Variants in CASP10 observed in about 807,000 individuals in gnomAD.
CASP10 encodes caspase 10.
A neutral mutation model predicts 48.5 loss-of-function variants in CASP10; 41 were observed. The observed-to-expected ratio is 0.85, with a 90% CI of 0.66 to 1.10. The LOEUF (loss-of-function observed/expected upper bound fraction) is 1.10. CASP10 is among the 50% of genes least tolerant of loss of function. CASP10 has a pLI of 0.00. For missense variants in CASP10, 614 were observed against 614.5 expected, an observed-to-expected ratio of 1.00 and a Z score of 0.01; for synonymous variants, 232 against 238.4, an observed-to-expected ratio of 0.97 and a Z score of 0.25.
In CASP10 at chr2:201,220,020, C is replaced by T. The variant is rs749986569; in HGVS notation, c.*2279C>T. The T allele has an allele frequency of 2.0e-6, 2 of 985,328 alleles. No homozygotes were observed. The highest frequency in any genetic ancestry group is 2.4e-6 in the Non-Finnish European group (2 of 829,906). The allele number at this position is 985,328 out of a possible 1,614,324, so 61.0% of individuals were successfully genotyped here. ...GAAGAACAACAACTCTCAGTGGTGC[C>T]TGCATTTATAATTATTTATGTGAAA... is the stretch of plus-strand genomic sequence containing the variant. On this transcript the variant is annotated 3_prime_UTR_variant, in exon 10 of 10. Coordinates refer to ENST00000286186, the MANE Select transcript of CASP10 (RefSeq NM_032977.4).
At position 201,221,176 on chromosome 2, in the gene CASP10, A is replaced by G. The variant is rs1275972013; in HGVS notation, c.*3435A>G. ...ACTTTATTAGCGGCAACTCAGCACT[A>G]GCATTACCCCTGACATACTCTGAGT... is the stretch of plus-strand genomic sequence containing the variant. On this transcript the variant is annotated 3_prime_UTR_variant, in exon 10 of 10. Coordinates refer to ENST00000286186, the MANE Select transcript of CASP10 (RefSeq NM_032977.4). 1.0e-6 allele frequency: 1 copy of G among 985,316 alleles called. No homozygotes were observed. Among genetic ancestry groups the G allele is most frequent in the African/African-American group, 1.7e-5 (1 of 57,248 alleles). 61.0% of individuals were successfully genotyped at this position (985,316 alleles called of 1,614,324 possible).
chr2:201,196,087 T>C, intron 5 of CASP10, 139 bp downstream of exon 5: 1 of 653,272 alleles, frequency 1.5e-6, no homozygotes, highest in Non-Finnish European at 2.7e-6. Context: ...CCATGGTGAT[T>C]GCAAGTAAAC....
intron 3 of CASP10, among the ~76,000 whole-genome samples, chr2:201,190,635 A>G (rs996915526): frequency 1.3e-5 from 2 of 152,112 alleles, no homozygotes; most frequent in Non-Finnish European, 2.9e-5. Flanking sequence ...AAATGAGACC[A>G]CTTTTTATTG....
intron 9 of CASP10, chr2:201,214,208 A>G (rs141337906): frequency 6.6e-6 from 1 of 152,238 alleles, no homozygotes; most frequent in Non-Finnish European, 1.5e-5. Flanking sequence ...CTAGTGTGTA[A>G]AATAAGAGAT....
chr2:201,227,681 C>T (rs542704881), intron 9 of CASP10, among the ~76,000 whole-genome samples: 30 of 151,948 alleles, frequency 2.0e-4, no homozygotes, highest in African/African-American at 5.8e-4. Context: ...CTCAGCCTCC[C>T]GAGTAGCTGG....
intron 5 of CASP10, among the ~76,000 whole-genome samples, chr2:201,196,534 C>A (rs1944802086): frequency 6.6e-6 from 1 of 152,166 alleles, no homozygotes; most frequent in Non-Finnish European, 1.5e-5. Context: ...TGATCATGAT[C>A]CTTGGGAGAT....
chr2:201,202,386 G>T (rs1485427177), intron 5 of CASP10, among the ~76,000 whole-genome samples: 1 of 152,156 alleles, frequency 6.6e-6, no homozygotes, highest in East Asian at 1.9e-4. Flanking sequence ...CAACATTCTC[G>T]GGAGAAGAAA....
intron 5 of CASP10, among the ~76,000 whole-genome samples, chr2:201,197,662 A>C (rs1944851309): frequency 6.6e-6 from 1 of 152,178 alleles, no homozygotes; most frequent in Non-Finnish European, 1.5e-5. Flanking sequence ...TATAGCATAC[A>C]GTTCGTTGTT....
intron 5 of CASP10, among the ~76,000 whole-genome samples, chr2:201,198,658 A>G (rs1221782666): frequency 6.9e-6 from 1 of 144,492 alleles, no homozygotes; most frequent in Non-Finnish European, 1.5e-5. Context: ...CTCCTGCCTC[A>G]TCCTTCCAAG....
chr2:201,186,148 A>G lies in CASP10; in HGVS notation c.347+24A>G, dbSNP rs189450587. 251 of 1,550,898 alleles carry G rather than the reference A, an allele frequency of 1.6e-4. No homozygotes were observed. In the African/African-American group the frequency reaches 3.2e-3, roughly 20 times the overall value. ...AGGTGAGGACGGGTCTGTGGTGGAG[A>G]TGGGAGGATCTCCCATCTAGTGTTC... is the stretch of plus-strand genomic sequence containing the variant. On this transcript the variant is annotated intron_variant, in intron 2 of 9. Transcript: ENST00000286186.
At chr2:201,192,493 G>A (rs757562801) in intron 3 of CASP10, among the ~76,000 whole-genome samples, 18 of 151,556 alleles carry the variant, frequency 1.2e-4, no homozygotes, top group South Asian at 2.1e-4. Flanking sequence ...AAATTCTTTC[G>A]AAACATTTTC....
chr2:201,185,013 A>G (rs1009934031), intron 1 of CASP10, among the ~76,000 whole-genome samples: 11 of 151,748 alleles, frequency 7.2e-5, no homozygotes, highest in African/African-American at 2.7e-4. Flanking sequence ...TCTTTTTGAA[A>G]CAGGGTCTCA....
chr2:201,219,658 C>T lies in CASP10; in HGVS notation c.*1917C>T, dbSNP rs1018072875. 1.0e-5 allele frequency: 10 copies of T among 983,046 alleles called. No homozygotes were observed. The highest frequency in any genetic ancestry group is 1.2e-5 in the Non-Finnish European group (10 of 829,686). The allele number at this position is 983,046 out of a possible 1,614,324, so 60.9% of individuals were successfully genotyped here. On this transcript the variant is annotated 3_prime_UTR_variant, in exon 10 of 10. Transcript: ENST00000286186. The stretch of plus-strand genomic sequence containing the variant: ...GAAGGGAGTGGCTCTGTAAGGACGC[C>T]TTGATGCTTTCTTCATTAAGATTTT...
In CASP10 at chr2:201,209,107, A is replaced by G. The variant is rs1217769385; in HGVS notation, c.960A>G (p.Thr320=). 1 of 1,606,976 alleles carries G rather than the reference A, an allele frequency of 6.2e-7. No homozygotes were observed. Among genetic ancestry groups the G allele is most frequent in the Non-Finnish European group, 8.5e-7 (1 of 1,178,776 alleles). The change falls in exon 9 of 10, where the codon ACA becomes ACG. Residue 320 remains threonine (T), a synonymous_variant. Coordinates refer to ENST00000286186, the MANE Select transcript of CASP10 (RefSeq NM_032977.4). ...ATGTGTTCCAGTGGCTTGGGTTCACAGTGCATATACACAATAATGTGACGA... is the reference window on the plus strand; with the variant it reads ...ATGTGTTCCAGTGGCTTGGGTTCACGGTGCATATACACAATAATGTGACGA... ...LSHVFQWLGF[T]VHIHNNVTKV...
In CASP10 at chr2:201,195,906, A is replaced by T; in HGVS notation, c.642A>T (p.Leu214=). 1 of 1,614,026 alleles carries T rather than the reference A, an allele frequency of 6.2e-7. No individual in the cohort carries two copies. The highest frequency in any genetic ancestry group is 8.5e-7 in the Non-Finnish European group (1 of 1,179,916). ...EAESYQGEEE[L]VSQTDVKTFL... is the part of the protein sequence containing the mutation. The stretch of plus-strand genomic sequence containing the variant: ...AGTCGTATCAAGGAGAGGAAGAACT[A>T]GTTTCCCAAACAGATGTTAAGACAT... The change falls in exon 5 of 10, where the codon CTA becomes CTT. Residue 214 remains leucine, a synonymous_variant. Transcript: ENST00000286186.
chr2:201,187,926 A>G (rs1944471957), intron 3 of CASP10, 127 bp downstream of exon 3: 3 of 748,486 alleles, frequency 4.0e-6, no homozygotes, highest in South Asian at 1.5e-5. Context: ...GGTTACGAAC[A>G]TTGGCTTTGG....
chr2:201,192,202 C>A (rs999928698), intron 3 of CASP10, among the ~76,000 whole-genome samples: 3 of 152,082 alleles, frequency 2.0e-5, no homozygotes, highest in African/African-American at 7.2e-5. Flanking sequence ...TGAGACCAGC[C>A]TGGCCAACAT....
chr2:201,227,371 T>C (rs1945801651), intron 9 of CASP10, among the ~76,000 whole-genome samples: 1 of 152,084 alleles, frequency 6.6e-6, no homozygotes, highest in East Asian at 1.9e-4. Context: ...CTGTAATTAA[T>C]ATGATCAGTG....
rs531115329 is a variant in CASP10 at position 201,190,027 on chromosome 2, T to A, written c.441+2228T>A. The stretch of plus-strand genomic sequence containing the variant: ...AAAAATAGTTCAATTGTCCCATTTT[T>A]TCCCAGGGGATACATCTTCAGTTTG... On this transcript the variant is annotated intron_variant, in intron 3 of 9. Transcript: ENST00000286186. Among the ~76,000 whole-genome samples, 214 of 152,256 alleles carry A rather than the reference T, an allele frequency of 1.4e-3. 1 individual carries two copies. The highest frequency in any genetic ancestry group is 1.4e-3 in the Non-Finnish European group (95 of 68,014).
Sources: allele counts gnomAD v4.1 joint callset (sites outside exome capture counted in the v4.1 genomes callset), GRCh38; gene constraint gnomAD v4.1.1; transcripts MANE v1.5; gene names NCBI Gene and HGNC (gene_info 2026-07-23, HGNC 2026-07-21).